Variants in TRIM55 observed in about 807,000 individuals in gnomAD.
TRIM55 encodes tripartite motif containing 55.
TRIM55 carries 50 observed loss-of-function variants against 60.9 expected under a neutral mutation model. The ratio of observed to expected loss-of-function variants is 0.82; its 90% CI spans 0.65 to 1.04. The LOEUF is 1.04. Ranked by LOEUF, TRIM55 falls within the 50% of genes least tolerant of loss-of-function variation. TRIM55 has a pLI of 0.00. For missense variants in TRIM55, 681 were observed against 666.9 expected (o/e 1.02, Z -0.23); for synonymous variants, 237 against 238.1 (o/e 1.00, Z 0.04).
intron 3 of TRIM55, among the ~76,000 whole-genome samples, chr8:66,136,599 C>T (rs940254048): frequency 6.6e-6 from 1 of 152,122 alleles, no homozygotes; most frequent in African/African-American, 2.4e-5. Context: ...TAAAAGTTGA[C>T]ATTTCTCCCC....
intron 9 of TRIM55, among the ~76,000 whole-genome samples, chr8:66,163,629 C>T (rs1274070011): frequency 6.6e-6 from 1 of 152,126 alleles, no homozygotes; most frequent in Non-Finnish European, 1.5e-5. Context: ...TGGAGAAAGA[C>T]CAGAATATAC....
At chr8:66,147,361 C>G (rs1387149822) in intron 4 of TRIM55, among the ~76,000 whole-genome samples, 1 of 152,058 alleles carries the variant, frequency 6.6e-6, no homozygotes, top group Non-Finnish European at 1.5e-5. Context: ...TTGACTGTTC[C>G]AAGGAAGGCA....
chr8:66,136,219 C>A (rs1051317528), intron 3 of TRIM55, among the ~76,000 whole-genome samples: 2 of 152,216 alleles, frequency 1.3e-5, no homozygotes, highest in African/African-American at 4.8e-5. Context: ...ACACTCCTTC[C>A]TTCAGAGCCT....
chr8:66,167,063 C>T (rs935175968), intron 9 of TRIM55, among the ~76,000 whole-genome samples: 1 of 152,208 alleles, frequency 6.6e-6, no homozygotes, highest in Non-Finnish European at 1.5e-5. Flanking sequence ...CAACCTGCCT[C>T]TCTGTCTGCC....
At chr8:66,161,755 GT>G (rs34655404) in intron 9 of TRIM55, among the ~76,000 whole-genome samples, 1,729 of 132,108 alleles carry the variant, frequency 0.013, 27 homozygotes, top group African/African-American at 0.042. Flanking sequence ...TATTCCTAAG[GT>G]TTTTTTTTTT....
chr8:66,154,986 CT>C (rs939816368), intron 9 of TRIM55, among the ~76,000 whole-genome samples: 3 of 152,182 alleles, frequency 2.0e-5, no homozygotes, highest in African/African-American at 7.2e-5. Context: ...TGTCTTCCCC[CT>C]AACACTTGGT....
chr8:66,173,929 T>C (rs1310842896), intron 9 of TRIM55, among the ~76,000 whole-genome samples: 1 of 152,166 alleles, frequency 6.6e-6, no homozygotes, highest in African/African-American at 2.4e-5. Context: ...AATCCCATCA[T>C]GATTTGCCCA....
At chr8:66,170,268 C>A (rs1811549344) in intron 9 of TRIM55, among the ~76,000 whole-genome samples, 1 of 152,160 alleles carries the variant, frequency 6.6e-6, no homozygotes, top group South Asian at 2.1e-4. Flanking sequence ...CCCCTGGTAA[C>A]CATCATCCTA....
At chr8:66,144,025 A>AT (rs1809968429) in intron 4 of TRIM55, among the ~76,000 whole-genome samples, 1 of 152,190 alleles carries the variant, frequency 6.6e-6, no homozygotes, top group Non-Finnish European at 1.5e-5. Context: ...TTTTCTTTCC[A>AT]TGAAATGTTC....
Position 66,152,646 on chromosome 8 carries a change from C to G in TRIM55, c.1236+19C>G. ...GACACAGGTAACCCCTCCTGAGTCT[C>G]TTTCTACAGGGCACATGGGCGTGTC... On this transcript the variant is annotated intron_variant, in intron 8 of 9. Transcript: ENST00000315962. 1 of 1,610,694 alleles carries G rather than the reference C, an allele frequency of 6.2e-7. No individual in the cohort carries two copies. Among genetic ancestry groups the G allele is most frequent in the Non-Finnish European group, 8.5e-7 (1 of 1,178,430 alleles).
chr8:66,159,202 A>G (rs1586237797), intron 9 of TRIM55, among the ~76,000 whole-genome samples: 1 of 152,140 alleles, frequency 6.6e-6, no homozygotes, highest in African/African-American at 2.4e-5. Flanking sequence ...CCTTCCCCGC[A>G]TCCCTGCCTC....
At chr8:66,150,550 C>G (rs988746696) in intron 7 of TRIM55, 84 bp downstream of exon 7, 4 of 1,493,904 alleles carry the variant, frequency 2.7e-6, no homozygotes, top group Non-Finnish European at 3.7e-6. Flanking sequence ...AGCGGGGATT[C>G]AGAATCACCT....
chr8:66,147,794 C>CA (rs1180935272), intron 4 of TRIM55, among the ~76,000 whole-genome samples: 2,365 of 40,502 alleles, frequency 0.058, 41 homozygotes, highest in Non-Finnish European at 0.088. Context: ...GACTCCATCT[C>CA]AAAAAAAAAA....
chr8:66,119,485 A>G, the TRIM55 span, among the ~76,000 whole-genome samples: 1 of 152,230 alleles, frequency 6.6e-6, no homozygotes, highest in Admixed American at 6.5e-5. Context: ...TACCTGCACC[A>G]AAGAGACAAA....
At position 66,127,139 on chromosome 8, in the gene TRIM55, A is replaced by T; in HGVS notation, c.-130A>T. 9.5e-7 allele frequency: 1 copy of T among 1,048,098 alleles called. No individual in the cohort carries two copies. The highest frequency in any genetic ancestry group is 2.8e-5 in the Admixed American group (1 of 36,200). 64.9% of individuals were successfully genotyped at this position (1,048,098 alleles called of 1,614,324 possible). On this transcript the variant is annotated 5_prime_UTR_variant, in exon 1 of 10. Transcript: ENST00000315962. ...CACCCACTCCAAACCAGGGCCTGAA[A>T]CAATGTCCTCCACCGAGAGAAACGT...
At chr8:66,124,060 C>A (rs571881569), upstream of TRIM55, among the ~76,000 whole-genome samples, 1 of 152,156 alleles carries the variant, frequency 6.6e-6, no homozygotes, top group East Asian at 1.9e-4. Flanking sequence ...CTCACTACAT[C>A]GTCGGTTACT....
At chr8:66,136,309 C>T (rs1482108721) in intron 3 of TRIM55, among the ~76,000 whole-genome samples, 1 of 152,190 alleles carries the variant, frequency 6.6e-6, no homozygotes, top group African/African-American at 2.4e-5. Flanking sequence ...GCAGCTTCAC[C>T]TCCATATTAG....
chr8:66,156,597 T>C (rs1810753691), intron 9 of TRIM55, among the ~76,000 whole-genome samples: 2 of 152,168 alleles, frequency 1.3e-5, no homozygotes, highest in South Asian at 4.1e-4. Flanking sequence ...TAAATGACCC[T>C]GCTGGGCCTG....
chr8:66,169,554 T>C (rs1811506446), intron 9 of TRIM55, among the ~76,000 whole-genome samples: 1 of 152,242 alleles, frequency 6.6e-6, no homozygotes, highest in Non-Finnish European at 1.5e-5. Context: ...TTGTGTGCCT[T>C]TAGGAGCCGA....
Sources: allele counts gnomAD v4.1 joint callset (sites outside exome capture counted in the v4.1 genomes callset), GRCh38; gene constraint gnomAD v4.1.1; transcripts MANE v1.5; gene names NCBI Gene and HGNC (gene_info 2026-07-23, HGNC 2026-07-21).